Variants in LRMDA observed in about 807,000 individuals in gnomAD.
The protein encoded by LRMDA is leucine-rich melanocyte differentiation-associated protein.
LRMDA carries 18 observed loss-of-function variants against 29.8 expected under a neutral mutation model. That is an observed-to-expected ratio of 0.60 (90% CI 0.42 to 0.90). The LOEUF is 0.90. Ranked by LOEUF, LRMDA falls within the 40% of genes least tolerant of loss-of-function variation. LRMDA has a pLI of 0.00. For missense variants in LRMDA, 273 were observed against 273.9 expected (o/e 1.00, Z 0.02); for synonymous variants, 125 against 109.4 (o/e 1.14, Z -0.89).
intron 6 of LRMDA, among the ~76,000 whole-genome samples, chr10:76,355,184 A>G (rs1468997939): frequency 3.3e-5 from 5 of 152,180 alleles, no homozygotes; most frequent in African/African-American, 1.2e-4. Flanking sequence ...AACACATTTT[A>G]CATGGCAAGA....
At chr10:75,783,085 A>G in intron 2 of LRMDA, 1 of 1,587,868 alleles carries the variant, frequency 6.3e-7, no homozygotes, top group Non-Finnish European at 8.6e-7. Context: ...CCTTTTAAAT[A>G]GCAATGATGA....
At chr10:76,109,975 ACTTT>A (rs1849550545) in intron 5 of LRMDA, among the ~76,000 whole-genome samples, 2 of 152,108 alleles carry the variant, frequency 1.3e-5, no homozygotes, top group South Asian at 2.1e-4. Flanking sequence ...CTCGGGCTGT[ACTTT>A]CTTTCTTGGA....
rs532194869 is a variant in LRMDA at position 76,087,485 on chromosome 10, C to T, written c.516+28702C>T. On this transcript the variant is annotated intron_variant, in intron 5 of 6. Transcript: ENST00000611255. Reference sequence around the variant, plus strand: ...ATGCTGGTAATTATCCCAAGAGAGACAAAAATTTCCATCTACCCAGCAAGG... The same window carrying T: ...ATGCTGGTAATTATCCCAAGAGAGATAAAAATTTCCATCTACCCAGCAAGG... Among the ~76,000 whole-genome samples, 334 of 152,242 alleles carry T rather than the reference C, an allele frequency of 2.2e-3. 1 individual carries two copies. Among genetic ancestry groups the T allele is most frequent in the African/African-American group, 7.6e-3 (317 of 41,550 alleles).
At chr10:76,168,337 G>A (rs1381437659) in intron 5 of LRMDA, among the ~76,000 whole-genome samples, 1 of 152,168 alleles carries the variant, frequency 6.6e-6, no homozygotes, top group East Asian at 1.9e-4. Context: ...AGTGACACCA[G>A]ATTTCCTATG....
intron 2 of LRMDA, among the ~76,000 whole-genome samples, chr10:75,441,390 C>G (rs1844325572): frequency 6.6e-6 from 1 of 152,214 alleles, no homozygotes; most frequent in Admixed American, 6.5e-5. Context: ...TGGCCCCACT[C>G]TGGACACACC....
At chr10:75,564,506 C>T (rs923562953) in intron 2 of LRMDA, among the ~76,000 whole-genome samples, 9 of 152,248 alleles carry the variant, frequency 5.9e-5, no homozygotes, top group African/African-American at 2.2e-4. Flanking sequence ...AATGCCTCAT[C>T]CTGCTTCAGC....
intron 2 of LRMDA, among the ~76,000 whole-genome samples, chr10:75,472,066 T>A (rs566772212): frequency 2.4e-4 from 37 of 152,180 alleles, no homozygotes; most frequent in Non-Finnish European, 5.0e-4. Context: ...TCTTACTCCC[T>A]AGTCCCAAAT....
chr10:76,542,686 C>G (rs17383044), intron 6 of LRMDA, among the ~76,000 whole-genome samples: 2,930 of 152,296 alleles, frequency 0.019, 51 homozygotes, highest in Middle Eastern at 0.034. Context: ...ATGTTAGACA[C>G]AGGCAGCGTG....
intron 5 of LRMDA, among the ~76,000 whole-genome samples, chr10:76,168,035 G>A (rs1850772301): frequency 6.6e-6 from 1 of 151,870 alleles, no homozygotes; most frequent in Admixed American, 6.6e-5. Flanking sequence ...GGGATTGTAG[G>A]GAATCCAATT....
At chr10:76,091,865 A>AAT (rs1849236976) in intron 5 of LRMDA, among the ~76,000 whole-genome samples, 3 of 151,540 alleles carry the variant, frequency 2.0e-5, no homozygotes, top group East Asian at 1.9e-4. Context: ...TAAAAAAAAA[A>AAT]TTTTTTTGTA....
chr10:76,535,593 A>C (rs990885243), intron 6 of LRMDA, among the ~76,000 whole-genome samples: 1 of 152,134 alleles, frequency 6.6e-6, no homozygotes, highest in Non-Finnish European at 1.5e-5. Context: ...TGCCAAGAAA[A>C]ACAAGCCTCT....
intron 5 of LRMDA, among the ~76,000 whole-genome samples, chr10:76,156,147 T>C (rs1850533491): frequency 1.3e-5 from 2 of 152,178 alleles, no homozygotes; most frequent in South Asian, 2.1e-4. Context: ...CTCTGGCTAA[T>C]TGGAAGTGTC....
chr10:76,500,427 C>G (rs1475912320), intron 6 of LRMDA, among the ~76,000 whole-genome samples: 3 of 75,844 alleles, frequency 4.0e-5, no homozygotes, highest in African/African-American at 9.6e-5. Flanking sequence ...AATGGTCCAT[C>G]TTGTGGTTAA....
At chr10:76,005,860 G>A (rs7901113) in intron 2 of LRMDA, among the ~76,000 whole-genome samples, 2,047 of 149,608 alleles carry the variant, frequency 0.014, 39 homozygotes, top group African/African-American at 0.046. Flanking sequence ...AACCCGGGAG[G>A]CGGAGCTTGC....
intron 2 of LRMDA, among the ~76,000 whole-genome samples, chr10:75,683,468 C>G (rs1165447269): frequency 2.0e-5 from 3 of 152,186 alleles, no homozygotes; most frequent in Non-Finnish European, 4.4e-5. Context: ...ATATATCACA[C>G]TCAGTACAGT....
chr10:75,915,932 G>C (rs529114622), intron 2 of LRMDA, among the ~76,000 whole-genome samples: 5 of 152,296 alleles, frequency 3.3e-5, no homozygotes, highest in African/African-American at 1.2e-4. Context: ...TGGTATCAGG[G>C]AAGGCACCTT....
chr10:76,182,251 T>C (rs1377960199), intron 5 of LRMDA, among the ~76,000 whole-genome samples: 4 of 152,070 alleles, frequency 2.6e-5, no homozygotes, highest in African/African-American at 9.6e-5. Context: ...TGAGGGAAAG[T>C]GCCACACTTT....
chr10:76,440,742 A>C (rs1366797022), intron 6 of LRMDA, among the ~76,000 whole-genome samples: 5 of 152,164 alleles, frequency 3.3e-5, no homozygotes, highest in Non-Finnish European at 2.9e-5. Context: ...AGACTGCTCA[A>C]CTTATCATCA....
At chr10:76,194,353 C>G (rs1851297897) in intron 5 of LRMDA, among the ~76,000 whole-genome samples, 1 of 152,190 alleles carries the variant, frequency 6.6e-6, no homozygotes. Context: ...TTCCTGACAT[C>G]TGCTTCCATT....
Sources: gnomAD v4.1 joint callset for allele counts (sites outside exome capture counted in the v4.1 genomes callset) on GRCh38, gnomAD v4.1.1 for gene constraint, MANE v1.5 for transcripts, NCBI Gene and HGNC (gene_info 2026-07-23, HGNC 2026-07-21) for gene names.